Variants in GRM7 observed in about 807,000 individuals in gnomAD.
GRM7 encodes metabotropic glutamate receptor 7.
GRM7 carries 35 observed loss-of-function variants against 84.5 expected under a neutral mutation model. The observed-to-expected ratio is 0.41, with a 90% CI of 0.32 to 0.55. GRM7 has a LOEUF of 0.55. Ranked by LOEUF, GRM7 falls within the 20% of genes least tolerant of loss-of-function variation. The probability of loss-of-function intolerance (pLI) is 0.19; values close to 1 mark genes in which losing one functional copy is unlikely to be tolerated. For missense variants in GRM7, 1,003 were observed against 1,194.6 expected (o/e 0.84, Z 2.36); for synonymous variants, 487 against 455.1 (o/e 1.07, Z -0.89).
chr3:7,611,770 T>C (rs1696857330), intron 8 of GRM7, among the ~76,000 whole-genome samples: 2 of 152,060 alleles, frequency 1.3e-5, no homozygotes, highest in South Asian at 4.2e-4. Context: ...ATTAGCAAGA[T>C]CCCAGGTGAC....
intron 1 of GRM7, among the ~76,000 whole-genome samples, chr3:6,931,037 A>G (rs1380951324): frequency 6.6e-6 from 1 of 152,166 alleles, no homozygotes; most frequent in South Asian, 2.1e-4. Flanking sequence ...TCTAGCACCT[A>G]AAGGAGCCAG....
intron 1 of GRM7, among the ~76,000 whole-genome samples, chr3:6,972,335 T>C (rs929744965): frequency 6.6e-6 from 1 of 152,176 alleles, no homozygotes; most frequent in African/African-American, 2.4e-5. Flanking sequence ...AGTACTGGCT[T>C]TTCCACTGAG....
chr3:7,556,665 G>A (rs1693777113), intron 7 of GRM7, among the ~76,000 whole-genome samples: 1 of 152,180 alleles, frequency 6.6e-6, no homozygotes, highest in African/African-American at 2.4e-5. Context: ...TTAGCAAGGA[G>A]AATAGATGAT....
chr3:7,488,284 A>G (rs1699395301), intron 7 of GRM7, among the ~76,000 whole-genome samples: 1 of 152,084 alleles, frequency 6.6e-6, no homozygotes, highest in South Asian at 2.1e-4. Flanking sequence ...GAATAACTGT[A>G]TTTTGCACTA....
chr3:7,401,806 C>T (rs928527237), intron 4 of GRM7, among the ~76,000 whole-genome samples: 1 of 152,112 alleles, frequency 6.6e-6, no homozygotes, highest in Non-Finnish European at 1.5e-5. Context: ...TGGCCATCTC[C>T]TTGAGAACAG....
At chr3:6,948,703 G>T (rs929088682) in intron 1 of GRM7, among the ~76,000 whole-genome samples, 5 of 152,130 alleles carry the variant, frequency 3.3e-5, no homozygotes, top group Admixed American at 3.3e-4. Context: ...TCTCTTTGTA[G>T]GTCACTAAGG....
chr3:7,243,199 A>G (rs1342674763), intron 2 of GRM7, among the ~76,000 whole-genome samples: 1 of 152,148 alleles, frequency 6.6e-6, no homozygotes. Flanking sequence ...GGTATATTCC[A>G]TAATATACCA....
chr3:7,457,380 A>T (rs918900647), intron 6 of GRM7, among the ~76,000 whole-genome samples: 1 of 152,164 alleles, frequency 6.6e-6, no homozygotes, highest in Non-Finnish European at 1.5e-5. Flanking sequence ...CTGCATCCCA[A>T]ATCAAAGCAA....
rs532641636 is a variant in GRM7 at position 7,324,458 on chromosome 3, A to G, written c.1033+17806A>G. On this transcript the variant is annotated intron_variant, in intron 4 of 9. Transcript: ENST00000357716. ...GACCTGCTGACCTCAGCCCAGTTCTATAACAGTATCTTCTGTTAGTCACAG... is the reference window on the plus strand; with the variant it reads ...GACCTGCTGACCTCAGCCCAGTTCTGTAACAGTATCTTCTGTTAGTCACAG... Among the ~76,000 whole-genome samples the G allele has an allele frequency of 2.6e-5, 4 of 152,294 alleles. No homozygotes were observed. In the South Asian group the frequency reaches 6.2e-4, roughly 24 times the overall value.
chr3:6,950,839 G>A (rs774448716), intron 1 of GRM7, among the ~76,000 whole-genome samples: 4 of 152,240 alleles, frequency 2.6e-5, no homozygotes, highest in African/African-American at 7.2e-5. Flanking sequence ...CTCCATGGGC[G>A]TAGGACCCTC....
At chr3:6,889,138 C>T (rs372202814) in intron 1 of GRM7, among the ~76,000 whole-genome samples, 3 of 152,136 alleles carry the variant, frequency 2.0e-5, no homozygotes, top group African/African-American at 7.2e-5. Context: ...TGGGCTGAGA[C>T]AATGGGGTTT....
intron 2 of GRM7, among the ~76,000 whole-genome samples, chr3:7,198,403 G>A (rs1313690017): frequency 1.3e-5 from 2 of 152,080 alleles, no homozygotes; most frequent in Non-Finnish European, 2.9e-5. Context: ...AGGCTTCTAG[G>A]GTACTGATAA....
chr3:7,226,675 G>C (rs1400165), intron 2 of GRM7, among the ~76,000 whole-genome samples: 54,604 of 151,946 alleles, frequency 0.36, 9,985 homozygotes, highest in Middle Eastern at 0.48. Flanking sequence ...TAGAAGATAA[G>C]GAGAAAAGTC....
intron 5 of GRM7, among the ~76,000 whole-genome samples, chr3:7,442,219 G>T (rs756780383): frequency 1.3e-5 from 2 of 151,858 alleles, no homozygotes; most frequent in Non-Finnish European, 1.5e-5. Flanking sequence ...ATATTCCTGA[G>T]TTTTTGTGGC....
rs1425177117 is a variant in GRM7, at chr3:7,485,960, C to A, written c.1515+24238C>A. ...CTGACAGAAGCTGTAACTTAAGGTG[C>A]CTTTAACATATTAAGACATAAATGA... On this transcript the variant is annotated intron_variant, in intron 7 of 9. Transcript: ENST00000357716. Among the ~76,000 whole-genome samples, 4 of 152,052 alleles carry A rather than the reference C, an allele frequency of 2.6e-5. No individual in the cohort carries two copies. In the East Asian group the frequency reaches 7.7e-4, roughly 29 times the overall value.
intron 1 of GRM7, among the ~76,000 whole-genome samples, chr3:7,055,528 C>CAGAGTCTCACTCTGTGTGTCTTAAG (rs1376529499): frequency 1.4e-5 from 2 of 139,528 alleles, no homozygotes; most frequent in African/African-American, 6.4e-5. Flanking sequence ...TATATACATA[C>CAGAGTCTCACTCTGTGTGTCTTAAG]ACACACATTT....
intron 2 of GRM7, among the ~76,000 whole-genome samples, chr3:7,154,913 C>T (rs964045973): frequency 6.6e-6 from 1 of 152,094 alleles, no homozygotes; most frequent in South Asian, 2.1e-4. Context: ...ACTTCTGTAT[C>T]TCATCGGTTT....
Position 7,146,455 on chromosome 3 carries a change from C to A in GRM7, c.523C>A (p.Pro175Thr). 1 of 1,611,478 alleles carries A rather than the reference C, an allele frequency of 6.2e-7. No homozygotes were observed. The highest frequency in any genetic ancestry group is 8.5e-7 in the Non-Finnish European group (1 of 1,178,404). The change falls in exon 2 of 10, where the codon CCC (proline) becomes ACC (threonine). Residue 175 changes from proline to threonine, a missense_variant. Physicochemically the swap from Pro to Thr is conservative, Grantham distance 38. This residue lies in a region of GRM7 where 910 missense variants were observed against 1,126.0 expected (regional missense o/e 0.81). Transcript: ENST00000357716. ...VANILRLFQI[P>T]QISYASTAPE... ...TGGTGCTTTCTTGTCTTTGCAGATC[C>A]CCCAGATTAGTTATGCATCAACGGC...
At chr3:7,715,390 T>C (rs1017894812) in intron 9 of GRM7, among the ~76,000 whole-genome samples, 1 of 152,154 alleles carries the variant, frequency 6.6e-6, no homozygotes, top group Admixed American at 6.5e-5. Flanking sequence ...AAAGGATCAC[T>C]TGAACCCAGG....
Sources: allele counts gnomAD v4.1 joint callset (sites outside exome capture counted in the v4.1 genomes callset), GRCh38; gene constraint gnomAD v4.1.1; regional missense constraint gnomAD v4.1.1; transcripts MANE v1.5; gene names NCBI Gene and HGNC (gene_info 2026-07-23, HGNC 2026-07-21).